ROR2: variants seen among roughly 807,000 people sequenced by gnomAD.
The protein encoded by ROR2 is ROR family WNT receptor 2.
ROR2 carries 33 observed loss-of-function variants against 74.9 expected under a neutral mutation model. The observed-to-expected ratio is 0.44, with a 90% CI of 0.33 to 0.59. ROR2 has a LOEUF of 0.59. Among genes scored for constraint, ROR2 ranks in the 20% least tolerant of loss-of-function variants. The pLI is 0.02. For synonymous variants in ROR2, 586 were observed against 558.7 expected (o/e 1.05, Z -0.69); for missense variants, 1,216 against 1,313.8 (o/e 0.93, Z 1.15).
At chr9:91,729,805 T>C (rs1248490881) in intron 7 of ROR2, among the ~76,000 whole-genome samples, 1 of 152,162 alleles carries the variant, frequency 6.6e-6, no homozygotes, top group Non-Finnish European at 1.5e-5. Flanking sequence ...CAGACACACT[T>C]GCAAGGAATG....
intron 1 of ROR2, among the ~76,000 whole-genome samples, chr9:91,820,653 T>C (rs1199889908): frequency 6.6e-6 from 1 of 151,980 alleles, no homozygotes; most frequent in African/African-American, 2.4e-5. Flanking sequence ...TATCGATGGG[T>C]GTGTTATGGG....
chr9:91,805,750 C>T (rs7036027), intron 1 of ROR2, among the ~76,000 whole-genome samples: 11,786 of 152,160 alleles, frequency 0.077, 1,151 homozygotes, highest in African/African-American at 0.22. Flanking sequence ...AACCCAACGC[C>T]GAGGGGTGAA....
rs1328230282 is a variant in ROR2, at chr9:91,723,843, G to A, written c.2651C>T (p.Ala884Val). 1 of 1,614,054 alleles carries A rather than the reference G, an allele frequency of 6.2e-7. No homozygotes were observed. Among genetic ancestry groups the A allele is most frequent in the Admixed American group, 1.7e-5 (1 of 60,030 alleles). The change falls in exon 9 of 9, where the codon GCA (alanine) becomes GTA (valine). Residue 884 changes from alanine (A) to valine (V), a missense_variant. By Grantham distance (64) the Ala-to-Val change is moderately conservative. Transcript: ENST00000375708. ...VTTAPSNTSM[A>V]DRAALLSEGA... ...CTCTGAGAGCAGGGCTGCCCTGTCTGCCATGGATGTGTTGGAGGGGGCCGT... is the reference window on the plus strand; with the variant it reads ...CTCTGAGAGCAGGGCTGCCCTGTCTACCATGGATGTGTTGGAGGGGGCCGT...
chr9:91,827,041 C>G (rs1275387074), intron 1 of ROR2, among the ~76,000 whole-genome samples: 1 of 152,164 alleles, frequency 6.6e-6, no homozygotes, highest in African/African-American at 2.4e-5. Flanking sequence ...CTTCTGACTT[C>G]CCTAACTATA....
chr9:91,730,989 G>T lies in ROR2; in HGVS notation c.1104C>A (p.Pro368=), dbSNP rs200675570. The T allele has an allele frequency of 5.0e-6, 8 of 1,614,182 alleles. No homozygotes were observed. In the Admixed American group the frequency reaches 1.3e-4, roughly 27 times the overall value. ...LGGGHAYCRN[P]GGQMEGPWCF... is the part of the protein sequence containing the mutation. ...ACCAGGGGCCCTCCATCTGGCCTCC[G>T]GGGTTCCGGCAGTAGGCGTGCCCCC... Residue 368 remains proline, a synonymous_variant, in exon 7 of 9, where the codon CCC becomes CCA. Transcript: ENST00000375708.
At chr9:91,832,367 CAAAAAAAA>C (rs10677451) in intron 1 of ROR2, among the ~76,000 whole-genome samples, 63 of 38,342 alleles carry the variant, frequency 1.6e-3, no homozygotes, top group Admixed American at 3.4e-3. Flanking sequence ...GTCACAATGG[CAAAAAAAA>C]AAAAAAAAAA....
chr9:91,914,518 G>T (rs1006979132), intron 1 of ROR2, among the ~76,000 whole-genome samples: 18 of 152,170 alleles, frequency 1.2e-4, no homozygotes, highest in Non-Finnish European at 1.9e-4. Flanking sequence ...CCCTCCCATT[G>T]GGGTTGTGAA....
At position 91,778,285 on chromosome 9, in the gene ROR2, G is replaced by A. The variant is rs753007911; in HGVS notation, c.98-2467C>T. Among the ~76,000 whole-genome samples, 123 of 152,308 alleles carry A rather than the reference G, an allele frequency of 8.1e-4. 2 individuals carry two copies. Among genetic ancestry groups the A allele is most frequent in the Non-Finnish European group, 1.5e-4 (10 of 68,020 alleles). On this transcript the variant is annotated intron_variant, in intron 1 of 8. Transcript: ENST00000375708. Reference sequence around the variant, plus strand: ...CTTCTGCACCTAATGGGCTATCATCGTTCCTGACCGAATGACTTTGTGACA... The same window carrying A: ...CTTCTGCACCTAATGGGCTATCATCATTCCTGACCGAATGACTTTGTGACA...
intron 1 of ROR2, among the ~76,000 whole-genome samples, chr9:91,787,873 T>C (rs906313520): frequency 5.3e-5 from 8 of 152,166 alleles, no homozygotes; most frequent in Admixed American, 1.3e-4. Context: ...ACAAACACTT[T>C]ATCAGCACCA....
At chr9:91,731,197 C>T in intron 6 of ROR2, 42 bp from the exon 7 acceptor site, 2 of 1,612,870 alleles carry the variant, frequency 1.2e-6, no homozygotes, top group Non-Finnish European at 1.7e-6. Flanking sequence ...CGGGGTACAA[C>T]AAAACCATTC....
chr9:91,859,906 GA>G (rs1355186252), intron 1 of ROR2, among the ~76,000 whole-genome samples: 2 of 152,206 alleles, frequency 1.3e-5, no homozygotes, highest in African/African-American at 2.4e-5. Context: ...CCATCACAAA[GA>G]AAAGCACAAC....
chr9:91,896,524 T>C (rs1266620163), intron 1 of ROR2, among the ~76,000 whole-genome samples: 5 of 152,198 alleles, frequency 3.3e-5, no homozygotes, highest in African/African-American at 1.2e-4. Context: ...CACTTGACAG[T>C]TTCTTATACC....
intron 1 of ROR2, among the ~76,000 whole-genome samples, chr9:91,776,398 C>G (rs892886854): frequency 2.0e-5 from 3 of 152,194 alleles, no homozygotes; most frequent in African/African-American, 7.2e-5. Context: ...CCCCAAAAGC[C>G]AAGCCCTGAG....
chr9:91,857,764 T>G (rs1214558128), intron 1 of ROR2, among the ~76,000 whole-genome samples: 3 of 152,150 alleles, frequency 2.0e-5, no homozygotes, highest in African/African-American at 7.2e-5. Context: ...TCAATCTCCC[T>G]GGGAGGGGCC....
intron 1 of ROR2, among the ~76,000 whole-genome samples, chr9:91,845,282 TA>T (rs2119228861): frequency 6.6e-6 from 1 of 152,158 alleles, no homozygotes; most frequent in African/African-American, 2.4e-5. Flanking sequence ...GACCACCTGG[TA>T]AGTCTCTTCT....
At chr9:91,736,910 A>G (rs1825048378) in intron 5 of ROR2, among the ~76,000 whole-genome samples, 1 of 152,106 alleles carries the variant, frequency 6.6e-6, no homozygotes, top group Non-Finnish European at 1.5e-5. Flanking sequence ...CATCCCTACC[A>G]CTGATGACCC....
chr9:91,801,933 C>T (rs1818072443), intron 1 of ROR2, among the ~76,000 whole-genome samples: 1 of 152,188 alleles, frequency 6.6e-6, no homozygotes, highest in South Asian at 2.1e-4. Flanking sequence ...AGGTTCTCAG[C>T]GTCTGGGCAG....
At chr9:91,725,325 A>C (rs1353961332) in intron 8 of ROR2, among the ~76,000 whole-genome samples, 1 of 151,930 alleles carries the variant, frequency 6.6e-6, no homozygotes, top group Admixed American at 6.5e-5. Flanking sequence ...TCCCATCTGC[A>C]ATCTTCCACA....
intron 1 of ROR2, among the ~76,000 whole-genome samples, chr9:91,822,678 A>C (rs932780390): frequency 6.6e-6 from 1 of 152,194 alleles, no homozygotes; most frequent in African/African-American, 2.4e-5. Flanking sequence ...CAAGATAGAT[A>C]CAGAATGTCC....
Sources: gnomAD v4.1 joint callset for allele counts (sites outside exome capture counted in the v4.1 genomes callset) on GRCh38, gnomAD v4.1.1 for gene constraint, MANE v1.5 for transcripts, NCBI Gene and HGNC (gene_info 2026-07-23, HGNC 2026-07-21) for gene names.